CSMD1: variants seen among roughly 807,000 people sequenced by gnomAD.
The protein encoded by CSMD1 is CUB and Sushi multiple domains 1, also known as CUB and sushi domain-containing protein 1.
CSMD1 carries 213 observed loss-of-function variants against 417.5 expected under a neutral mutation model. That is an observed-to-expected ratio of 0.51 (90% CI 0.46 to 0.57). The LOEUF is 0.57. Among genes scored for constraint, CSMD1 ranks in the 20% least tolerant of loss-of-function variants. The pLI is 0.00. For missense variants in CSMD1, 6,923 were observed against 4,529.7 expected, an observed-to-expected ratio of 1.53 and a Z score of -15.17; for synonymous variants, 2,862 against 1,736.8, an observed-to-expected ratio of 1.65 and a Z score of -16.11.
chr8:4,739,552 C>T (rs1382470817), intron 1 of CSMD1, among the ~76,000 whole-genome samples: 2 of 152,236 alleles, frequency 1.3e-5, no homozygotes, highest in South Asian at 2.1e-4. Flanking sequence ...TCATAATAAG[C>T]TCCAGAAGAT....
intron 10 of CSMD1, among the ~76,000 whole-genome samples, chr8:3,543,120 T>G (rs1364918213): frequency 6.6e-6 from 1 of 152,134 alleles, no homozygotes; most frequent in Non-Finnish European, 1.5e-5. Context: ...CTGTGCATCC[T>G]GAAGGATGAT....
chr8:4,837,361 A>G (rs745789198), intron 1 of CSMD1, among the ~76,000 whole-genome samples: 17 of 152,342 alleles, frequency 1.1e-4, no homozygotes, highest in South Asian at 2.1e-4. Context: ...GTCCATCAAC[A>G]GATGATAAAG....
intron 3 of CSMD1, among the ~76,000 whole-genome samples, chr8:4,098,565 C>A (rs367778117): frequency 6.6e-6 from 1 of 152,054 alleles, no homozygotes; most frequent in African/African-American, 2.4e-5. Context: ...TCAGTGGATT[C>A]GGCCTGAAAG....
chr8:3,427,605 A>G (rs774800539), intron 12 of CSMD1, among the ~76,000 whole-genome samples: 7 of 152,224 alleles, frequency 4.6e-5, no homozygotes, highest in Non-Finnish European at 1.0e-4. Flanking sequence ...CTATTTGACC[A>G]TACTCTGCAA....
At chr8:4,106,231 T>A (rs147977055) in intron 3 of CSMD1, among the ~76,000 whole-genome samples, 12 of 152,302 alleles carry the variant, frequency 7.9e-5, no homozygotes, top group Non-Finnish European at 1.0e-4. Context: ...CAGGGAGTGA[T>A]CTATAAACTT....
chr8:3,722,181 C>A (rs377437540), intron 6 of CSMD1, among the ~76,000 whole-genome samples: 3 of 152,124 alleles, frequency 2.0e-5, no homozygotes, highest in Non-Finnish European at 4.4e-5. Context: ...TGGTGGCTGG[C>A]ACCTGCAGGC....
intron 2 of CSMD1, among the ~76,000 whole-genome samples, chr8:4,455,222 C>A (rs1203619010): frequency 6.6e-6 from 1 of 152,080 alleles, no homozygotes; most frequent in African/African-American, 2.4e-5. Flanking sequence ...CTCTGAAATA[C>A]TTCTCTAAAA....
intron 1 of CSMD1, among the ~76,000 whole-genome samples, chr8:4,865,541 G>A (rs959405618): frequency 6.6e-6 from 1 of 151,900 alleles, no homozygotes; most frequent in Non-Finnish European, 1.5e-5. Flanking sequence ...ACTTGGAGAA[G>A]AATGTCGCTC....
At chr8:3,430,774 T>C (rs1443661866) in intron 12 of CSMD1, among the ~76,000 whole-genome samples, 1 of 152,150 alleles carries the variant, frequency 6.6e-6, no homozygotes, top group Non-Finnish European at 1.5e-5. Flanking sequence ...GGCCCTGAAC[T>C]GCAGCCTGGG....
chr8:2,951,307 GCA>G, intron 65 of CSMD1, 32 bp from the exon 66 acceptor site: 1 of 1,572,728 alleles, frequency 6.4e-7, no homozygotes, highest in Non-Finnish European at 8.6e-7. Context: ...ACCAATGTCA[GCA>G]CACACACAAA....
chr8:4,432,131 C>A (rs1204436366), intron 2 of CSMD1, among the ~76,000 whole-genome samples: 1 of 152,052 alleles, frequency 6.6e-6, no homozygotes, highest in Non-Finnish European at 1.5e-5. Flanking sequence ...TAAAATAAAT[C>A]CTTGCTAAAG....
chr8:3,489,364 G>A (rs149255591), intron 11 of CSMD1, among the ~76,000 whole-genome samples: 37 of 152,252 alleles, frequency 2.4e-4, no homozygotes, highest in African/African-American at 7.5e-4. Context: ...ATAGAGGGAC[G>A]GGCATTTTAA....
At chr8:4,389,859 A>T (rs1260726719) in intron 3 of CSMD1, among the ~76,000 whole-genome samples, 1 of 152,190 alleles carries the variant, frequency 6.6e-6, no homozygotes, top group Non-Finnish European at 1.5e-5. Flanking sequence ...TACAAACTTT[A>T]TATATCTCCC....
chr8:3,567,245 A>T (rs1387765169), intron 10 of CSMD1, among the ~76,000 whole-genome samples: 1 of 152,046 alleles, frequency 6.6e-6, no homozygotes, highest in Non-Finnish European at 1.5e-5. Context: ...AAAGAGGGAA[A>T]CAATGGTCAC....
chr8:4,352,775 A>G (rs917682088), intron 3 of CSMD1, among the ~76,000 whole-genome samples: 10 of 152,226 alleles, frequency 6.6e-5, no homozygotes, highest in Non-Finnish European at 8.8e-5. Flanking sequence ...AGACAAATCT[A>G]CTGTTGGAAT....
At position 3,418,455 on chromosome 8, in the gene CSMD1, C is replaced by T. The variant is rs758151299; in HGVS notation, c.1562-8850G>A. Among the ~76,000 whole-genome samples, 8 of 152,086 alleles carry T rather than the reference C, an allele frequency of 5.3e-5. No homozygotes were observed. The East Asian group carries it at 1.5e-3, about 29-fold the overall frequency. On this transcript the variant is annotated intron_variant, in intron 12 of 69. Coordinates refer to ENST00000635120, the MANE Select transcript of CSMD1 (RefSeq NM_033225.6). ...TGTCAGAGAGCACTTACTGGGAAAG[C>T]AACAATTTTATTCAAGATATTGGTC...
At chr8:4,061,876 C>T (rs1205187127) in intron 3 of CSMD1, among the ~76,000 whole-genome samples, 1 of 152,176 alleles carries the variant, frequency 6.6e-6, no homozygotes, top group African/African-American at 2.4e-5. Flanking sequence ...CATGACTTGA[C>T]AACTTCTGAG....
intron 2 of CSMD1, among the ~76,000 whole-genome samples, chr8:4,535,596 A>T (rs1797063229): frequency 6.6e-6 from 1 of 152,190 alleles, no homozygotes; most frequent in Non-Finnish European, 1.5e-5. Context: ...CCAAGATAGC[A>T]TCTCTGTTCT....
chr8:4,458,402 G>A (rs773824773), intron 2 of CSMD1, among the ~76,000 whole-genome samples: 3 of 151,910 alleles, frequency 2.0e-5, no homozygotes, highest in Non-Finnish European at 4.4e-5. Flanking sequence ...AAGTTTATGG[G>A]GATTATTGGC....
Sources: allele counts gnomAD v4.1 joint callset (sites outside exome capture counted in the v4.1 genomes callset), GRCh38; gene constraint gnomAD v4.1.1; transcripts MANE v1.5; gene names NCBI Gene and HGNC (gene_info 2026-07-23, HGNC 2026-07-21).